Variants in CFAP58 observed in about 807,000 individuals in gnomAD.
CFAP58 encodes the protein cilia and flagella associated protein 58.
In CFAP58, 88 loss-of-function variants were observed where a neutral mutation model predicts 119.5. That is an observed-to-expected ratio of 0.74 (90% CI 0.62 to 0.88). The LOEUF (loss-of-function observed/expected upper bound fraction) is 0.88. Among genes scored for constraint, CFAP58 ranks in the 40% least tolerant of loss-of-function variants. The pLI, the probability that CFAP58 is intolerant of heterozygous loss-of-function variation, is 0.00. For synonymous variants in CFAP58, 365 were observed against 366.3 expected (o/e 1.00, Z 0.04); for missense variants, 990 against 1,021.2 (o/e 0.97, Z 0.42).
chr10:104,403,918 A>C, intron 14 of CFAP58, 78 bp downstream of exon 14: 1 of 813,266 alleles, frequency 1.2e-6, no homozygotes. Flanking sequence ...CTAAAGCACA[A>C]TGAGAAGCGA....
intron 15 of CFAP58, among the ~76,000 whole-genome samples, chr10:104,430,657 A>G (rs905728681): frequency 1.3e-5 from 2 of 152,178 alleles, no homozygotes; most frequent in Non-Finnish European, 2.9e-5. Context: ...TTTGCATTCA[A>G]ATTAGGCATA....
At chr10:104,382,083 T>C (rs760028403) in intron 9 of CFAP58, 18 of 717,318 alleles carry the variant, frequency 2.5e-5, no homozygotes, top group Non-Finnish European at 4.2e-5. Context: ...AACTGGCCTT[T>C]GCAGGTCAGC....
intron 1 of CFAP58, among the ~76,000 whole-genome samples, chr10:104,357,932 CACACATATATGTACACATATAT>C (rs1564876015): frequency 1.9e-5 from 2 of 107,376 alleles, no homozygotes; most frequent in African/African-American, 4.9e-5. Context: ...TACACATATA[CACACATATATGTACACATATAT>C]ACACATATAT....
At chr10:104,361,778 C>T (rs2014669007) in intron 2 of CFAP58, among the ~76,000 whole-genome samples, 1 of 152,196 alleles carries the variant, frequency 6.6e-6, no homozygotes, top group South Asian at 2.1e-4. Flanking sequence ...CTCAAATTCC[C>T]GGACTCAAGA....
chr10:104,412,227 A>G (rs951202946), intron 15 of CFAP58, among the ~76,000 whole-genome samples: 7 of 152,176 alleles, frequency 4.6e-5, no homozygotes, highest in Non-Finnish European at 7.3e-5. Flanking sequence ...TTCTTCATCC[A>G]TAAGTTGGGG....
chr10:104,451,653 A>G lies in CFAP58; in HGVS notation c.2510+1449A>G, dbSNP rs371672214. ...CTTTTAGGATATCAAGGTTGTGCTC[A>G]TAAAATGTCAACATGGTTAATTTCC... On this transcript the variant is annotated intron_variant, in intron 17 of 17. Coordinates refer to ENST00000369704, the MANE Select transcript of CFAP58 (RefSeq NM_001008723.2). Among the ~76,000 whole-genome samples, 97 of 152,378 alleles carry G rather than the reference A, an allele frequency of 6.4e-4. 1 individual carries two copies. Among genetic ancestry groups the G allele is most frequent in the African/African-American group, 2.3e-3 (94 of 41,600 alleles).
chr10:104,391,763 A>G (rs2012048784), intron 9 of CFAP58, among the ~76,000 whole-genome samples: 1 of 152,206 alleles, frequency 6.6e-6, no homozygotes, highest in Admixed American at 6.5e-5. Context: ...TTGGCAAGAT[A>G]GCGTTATGAT....
chr10:104,382,193 G>A (rs1188162506), intron 9 of CFAP58: 1 of 717,376 alleles, frequency 1.4e-6, no homozygotes, highest in South Asian at 1.5e-5. Flanking sequence ...CCCTCAGGGA[G>A]CTTCTGAGCC....
the CFAP58 span, among the ~76,000 whole-genome samples, chr10:104,348,093 G>A: frequency 6.6e-6 from 1 of 151,070 alleles, no homozygotes; most frequent in Non-Finnish European, 1.5e-5. Context: ...CATCAGCTGT[G>A]GCCCTGGGGA....
chr10:104,339,730 A>G, the CFAP58 span, among the ~76,000 whole-genome samples: 1 of 152,194 alleles, frequency 6.6e-6, no homozygotes, highest in Admixed American at 6.5e-5. Context: ...TCAAGTTTCT[A>G]CTGCTGCTCA....
Position 104,362,047 on chromosome 10 carries a change from G to A in CFAP58, c.316G>A (p.Val106Met). The A allele has an allele frequency of 1.2e-6, 2 of 1,613,950 alleles. No individual in the cohort carries two copies. The highest frequency in any genetic ancestry group is 1.1e-5 in the South Asian group (1 of 91,062). ...KKEIEKAWKM[V>M]DSAYDKEQKA... ...GGAAATTGAAAAGGCCTGGAAGATG[G>A]TGGACTCAGCCTATGACAAAGAGCA... The change falls in exon 3 of 18, where the codon GTG (valine) becomes ATG (methionine). Residue 106 changes from valine to methionine, a missense_variant. Transcript: ENST00000369704.
chr10:104,436,277 GA>G (rs1410967262), intron 15 of CFAP58, among the ~76,000 whole-genome samples: 1 of 152,042 alleles, frequency 6.6e-6, no homozygotes, highest in African/African-American at 2.4e-5. Context: ...ATGTATATAC[GA>G]TACAATAGAA....
chr10:104,365,248 G>A (rs1039145392), intron 4 of CFAP58, among the ~76,000 whole-genome samples: 8 of 152,086 alleles, frequency 5.3e-5, no homozygotes, highest in Admixed American at 5.2e-4. Context: ...TTATTAGAAA[G>A]CCATTTAGCA....
At chr10:104,361,888 A>G (rs1388871132) in intron 2 of CFAP58, 135 bp from the exon 3 acceptor site, 1 of 781,342 alleles carries the variant, frequency 1.3e-6, no homozygotes, top group Non-Finnish European at 2.0e-6. Flanking sequence ...ACTATTGACT[A>G]GCTCATGTTA....
intron 7 of CFAP58, among the ~76,000 whole-genome samples, chr10:104,373,038 G>C (rs1323075020): frequency 6.6e-6 from 1 of 152,046 alleles, no homozygotes; most frequent in Non-Finnish European, 1.5e-5. Flanking sequence ...CAGTAGGGTG[G>C]CAGGTTATAA....
At position 104,390,719 on chromosome 10, in the gene CFAP58, G is replaced by A. The variant is rs150893897; in HGVS notation, c.1366-1514G>A. On this transcript the variant is annotated intron_variant, in intron 9 of 17. Transcript: ENST00000369704. ...TAACCTAGTTTTGTTTTGTGTAGAA[G>A]AGGGGCTGATGTTGAAGGGAGAAAG... Among the ~76,000 whole-genome samples, 186 of 152,212 alleles carry A rather than the reference G, an allele frequency of 1.2e-3. 2 individuals carry two copies. The highest frequency in any genetic ancestry group is 4.1e-3 in the African/African-American group (172 of 41,528).
intron 15 of CFAP58, among the ~76,000 whole-genome samples, chr10:104,445,246 C>T (rs1157854475): frequency 6.6e-6 from 1 of 151,360 alleles, no homozygotes; most frequent in African/African-American, 2.4e-5. Flanking sequence ...TTGCTTGAGT[C>T]CAGGAGGTTG....
At chr10:104,436,522 C>T (rs1053732823) in intron 15 of CFAP58, among the ~76,000 whole-genome samples, 22 of 152,014 alleles carry the variant, frequency 1.4e-4, no homozygotes, top group African/African-American at 2.7e-4. Context: ...GAAGGTGAAG[C>T]GGGAGTAGGC....
intron 15 of CFAP58, among the ~76,000 whole-genome samples, chr10:104,413,575 G>GGA (rs2012494807): frequency 1.3e-5 from 2 of 152,108 alleles, no homozygotes; most frequent in African/African-American, 4.8e-5. Flanking sequence ...CCTTGCTGTT[G>GGA]TTGCTTCATT....
Sources: allele counts gnomAD v4.1 joint callset (sites outside exome capture counted in the v4.1 genomes callset), GRCh38; gene constraint gnomAD v4.1.1; transcripts MANE v1.5; gene names NCBI Gene and HGNC (gene_info 2026-07-23, HGNC 2026-07-21).